The following DZIP1L variants were observed in gnomAD, a reference collection of about 807,000 sequenced individuals.
DZIP1L encodes the protein DAZ interacting zinc finger protein 1 like.
A neutral mutation model predicts 88.7 loss-of-function variants in DZIP1L; 90 were observed. The observed-to-expected ratio is 1.02, with a 90% CI of 0.86 to 1.21. The LOEUF is 1.21. Ranked by LOEUF, DZIP1L falls within the 50% of genes most tolerant of loss-of-function variation. The pLI is 0.00. For missense variants in DZIP1L, 932 were observed against 955.8 expected (o/e 0.98, Z 0.33); for synonymous variants, 363 against 372.1 (o/e 0.98, Z 0.28).
rs530963125 is a variant in DZIP1L, at chr3:138,097,927, C to CA, written c.502-81dup. ...GGGATTTTCCCTATATCAAAGCCCCCATCCCCTTGGGACCCCTGGGCTGCT... is the reference window on the plus strand; with the variant it reads ...GGGATTTTCCCTATATCAAAGCCCCCAATCCCCTTGGGACCCCTGGGCTGCT... On this transcript the variant is annotated intron_variant, in intron 2 of 15. Transcript: ENST00000327532. The CA allele has an allele frequency of 3.7e-4, 468 of 1,279,416 alleles. 4 individuals are homozygous for CA. In the East Asian group the frequency reaches 7.8e-3, roughly 21 times the overall value. The allele number at this position is 1,279,416 out of a possible 1,614,324, so 79.3% of individuals were successfully genotyped here. A position where few individuals can be genotyped will look rare whatever the true frequency, so the allele number is the denominator to read the frequency against.
chr3:138,098,125 G>T (rs563115001), intron 2 of DZIP1L, among the ~76,000 whole-genome samples: 1 of 152,178 alleles, frequency 6.6e-6, no homozygotes, highest in Non-Finnish European at 1.5e-5. Flanking sequence ...GATGGTGTTT[G>T]TCTATGTTTA....
intron 12 of DZIP1L, among the ~76,000 whole-genome samples, chr3:138,070,192 C>G (rs917475888): frequency 6.6e-6 from 1 of 152,222 alleles, no homozygotes; most frequent in African/African-American, 2.4e-5. Context: ...CATCACATCA[C>G]CTGGTCCTGG....
chr3:138,106,055 A>C (rs1312694609), intron 1 of DZIP1L, among the ~76,000 whole-genome samples: 3 of 150,430 alleles, frequency 2.0e-5, no homozygotes, highest in African/African-American at 4.9e-5. Context: ...TGAGAATCTG[A>C]CTAAGGCAAC....
intron 2 of DZIP1L, among the ~76,000 whole-genome samples, chr3:138,101,160 T>C (rs955482502): frequency 6.6e-6 from 1 of 150,724 alleles, no homozygotes; most frequent in Admixed American, 6.6e-5. Context: ...ACACTCTCCA[T>C]AAGTACAAAC....
intron 4 of DZIP1L, among the ~76,000 whole-genome samples, chr3:138,094,643 T>G (rs1296144364): frequency 6.6e-6 from 1 of 152,274 alleles, no homozygotes; most frequent in Admixed American, 6.5e-5. Flanking sequence ...TGCATCTCTC[T>G]GCTCTACTTT....
At chr3:138,100,731 C>G (rs1019395543) in intron 2 of DZIP1L, among the ~76,000 whole-genome samples, 3 of 152,138 alleles carry the variant, frequency 2.0e-5, no homozygotes, top group African/African-American at 7.2e-5. Flanking sequence ...AATAGGTAAC[C>G]CATCCATCCG....
At chr3:138,101,390 T>G in intron 2 of DZIP1L, 2 of 684,366 alleles carry the variant, frequency 2.9e-6, no homozygotes. Flanking sequence ...GGTCTCCCGT[T>G]CCCTGTGCTA....
rs1478047001 is a variant in DZIP1L at position 138,063,343 on chromosome 3, TCG to T, written c.2143-368_2143-367del. On this transcript the variant is annotated intron_variant, in intron 15 of 15. Coordinates refer to ENST00000327532, the MANE Select transcript of DZIP1L (RefSeq NM_173543.3). This position sits in a 1 kb window ranked among gnomAD's most constrained non-coding sequence, Gnocchi z 4.1. ...GCCCAGAAACTCGACTGTTCCAAGT[TCG>T]CGAGCTGAATGCACTGTGGGCTAAT... 2.6e-5 allele frequency among the ~76,000 whole-genome samples: 4 copies of T among 152,198 alleles called. No homozygotes were observed. Among genetic ancestry groups the T allele is most frequent in the Non-Finnish European group, 5.9e-5 (4 of 68,024 alleles).
Position 138,077,597 on chromosome 3 carries a change from G to A in DZIP1L, c.1324C>T (p.Leu442=). The A allele has an allele frequency of 6.2e-7, 1 of 1,614,188 alleles. No homozygotes were observed. Among genetic ancestry groups the A allele is most frequent in the Non-Finnish European group, 8.5e-7 (1 of 1,180,030 alleles). The change falls in exon 11 of 16, where the codon CTG becomes TTG. Residue 442 remains leucine (L), a synonymous_variant. Transcript: ENST00000327532. ...GTGGGGTTACGCCTCAGAGCTGCCA[G>A]CACCTTGTGCTGTTCATCCTGGGAG... ...EDSQDEQHKV[L]AALRRNPTLL...
At chr3:138,080,543 C>T in intron 10 of DZIP1L, 24 bp downstream of exon 10, 1 of 1,612,922 alleles carries the variant, frequency 6.2e-7, no homozygotes, top group Non-Finnish European at 8.5e-7. Context: ...CACTGGACAC[C>T]CAGGAAAGAA....
At chr3:138,086,853 T>C (rs1943963149) in intron 7 of DZIP1L, 108 bp downstream of exon 7, 3 of 1,183,964 alleles carry the variant, frequency 2.5e-6, no homozygotes, top group Non-Finnish European at 3.7e-6. Flanking sequence ...TGCCAACCAG[T>C]TCCAGGTGAG....
intron 14 of DZIP1L, among the ~76,000 whole-genome samples, chr3:138,065,419 C>T (rs888179886): frequency 6.6e-6 from 1 of 152,218 alleles, no homozygotes; most frequent in Non-Finnish European, 1.5e-5. Context: ...TACGATGTAG[C>T]AGGCACTGTT....
chr3:138,080,767 C>G, intron 9 of DZIP1L, 147 bp from the exon 10 acceptor site: 1 of 688,224 alleles, frequency 1.5e-6, no homozygotes, highest in Admixed American at 2.8e-5. Context: ...CAGGACAGAG[C>G]AGACACTGGC....
At chr3:138,091,816 G>A (rs1202767572) in intron 5 of DZIP1L, among the ~76,000 whole-genome samples, 1 of 97,628 alleles carries the variant, frequency 1.0e-5, no homozygotes, top group East Asian at 3.0e-4. Flanking sequence ...TGATTGCTAT[G>A]AAGATTAAAA....
intron 11 of DZIP1L, among the ~76,000 whole-genome samples, chr3:138,075,817 G>T (rs1943379595): frequency 6.6e-6 from 1 of 152,102 alleles, no homozygotes; most frequent in Admixed American, 6.5e-5. Flanking sequence ...GTCTCTACTG[G>T]GTGGGGTGGC....
At chr3:138,076,778 G>A (rs1943432305) in intron 11 of DZIP1L, among the ~76,000 whole-genome samples, 1 of 151,976 alleles carries the variant, frequency 6.6e-6, no homozygotes, top group Admixed American at 6.5e-5. Context: ...GGGTGGAGAG[G>A]GATAAAAGGC....
At position 138,062,682 on chromosome 3, in the gene DZIP1L, G is replaced by A; in HGVS notation, c.*134C>T. The A allele has an allele frequency of 9.4e-7, 1 of 1,066,792 alleles. No individual in the cohort carries two copies. The highest frequency in any genetic ancestry group is 1.4e-6 in the Non-Finnish European group (1 of 728,888). The allele number at this position is 1,066,792 out of a possible 1,614,324, so 66.1% of individuals were successfully genotyped here. On this transcript the variant is annotated 3_prime_UTR_variant, in exon 16 of 16. Coordinates refer to ENST00000327532, the MANE Select transcript of DZIP1L (RefSeq NM_173543.3). ...AGGGATGAGATCATATCCATTCCCTGCACTGCTTCTCTCCAAGAGGATGAT... is the reference window on the plus strand; with the variant it reads ...AGGGATGAGATCATATCCATTCCCTACACTGCTTCTCTCCAAGAGGATGAT...
intron 7 of DZIP1L, among the ~76,000 whole-genome samples, chr3:138,085,449 T>C (rs1051435439): frequency 3.0e-4 from 46 of 152,198 alleles, no homozygotes; most frequent in African/African-American, 1.1e-3. Context: ...GGGCAAAGGA[T>C]ATGAACAGAC....
intron 2 of DZIP1L, among the ~76,000 whole-genome samples, chr3:138,098,119 G>A (rs1944565012): frequency 6.6e-6 from 1 of 152,174 alleles, no homozygotes; most frequent in South Asian, 2.1e-4. Flanking sequence ...TGTGATGATG[G>A]TGTTTGTCTA....
Sources: allele counts gnomAD v4.1 joint callset (sites outside exome capture counted in the v4.1 genomes callset), GRCh38; gene constraint gnomAD v4.1.1; non-coding constraint Gnocchi (gnomAD v3.1); transcripts MANE v1.5; gene names NCBI Gene and HGNC (gene_info 2026-07-23, HGNC 2026-07-21).